The following DPH6 variants were observed in gnomAD, a reference collection of about 807,000 sequenced individuals.
DPH6 encodes diphthine--ammonia ligase.
Under a neutral mutation model 38.2 loss-of-function variants are expected in DPH6, and 33 were observed. The observed-to-expected ratio is 0.86, with a 90% CI of 0.65 to 1.15. DPH6 has a LOEUF of 1.15. Ranked by LOEUF, DPH6 falls within the 50% of genes most tolerant of loss-of-function variation. DPH6 has a pLI of 0.00. For missense variants in DPH6, 325 were observed against 320.0 expected (o/e 1.02, Z -0.12); for synonymous variants, 108 against 103.0 (o/e 1.05, Z -0.30).
chr15:35,423,679 C>G (rs143966244), intron 5 of DPH6, among the ~76,000 whole-genome samples: 80 of 151,628 alleles, frequency 5.3e-4, no homozygotes, highest in African/African-American at 1.9e-3. Flanking sequence ...TTGGGTCTTG[C>G]ATTAAAGTTT....
At chr15:35,396,249 C>A (rs944331708) in intron 6 of DPH6, 1 of 147,944 alleles carries the variant, frequency 6.8e-6, no homozygotes. Flanking sequence ...ATACTTATCA[C>A]AATGCAAGAA....
At chr15:35,331,408 A>G (rs1052180259) in intron 3 of DPH6, among the ~76,000 whole-genome samples, 1 of 151,528 alleles carries the variant, frequency 6.6e-6, no homozygotes, top group African/African-American at 2.5e-5. Flanking sequence ...CCCGAAACAG[A>G]TAAATCATGC....
At chr15:35,382,210 C>T (rs374095179) in intron 6 of DPH6, among the ~76,000 whole-genome samples, 4 of 151,630 alleles carry the variant, frequency 2.6e-5, no homozygotes, top group South Asian at 2.1e-4. Context: ...CCGAGGCGGG[C>T]GGATCACAAG....
At chr15:35,472,122 T>G (rs904523169) in intron 3 of DPH6, among the ~76,000 whole-genome samples, 2 of 152,106 alleles carry the variant, frequency 1.3e-5, no homozygotes, top group Admixed American at 1.3e-4. Flanking sequence ...AAAATAAAGT[T>G]GAACTTTATA....
chr15:35,237,712 C>A (rs1269770488), intron 3 of DPH6: 2 of 1,613,712 alleles, frequency 1.2e-6, no homozygotes, highest in Non-Finnish European at 1.7e-6. Context: ...CCAACCTGAA[C>A]GACTACCGAG....
At chr15:35,537,449 T>A (rs1429382229) in intron 3 of DPH6, among the ~76,000 whole-genome samples, 33 of 152,148 alleles carry the variant, frequency 2.2e-4, no homozygotes, top group Non-Finnish European at 3.8e-4. Flanking sequence ...GAAGAATAAC[T>A]GAACTGTATT....
At chr15:35,236,984 C>A (rs964730315) in intron 3 of DPH6, among the ~76,000 whole-genome samples, 2 of 152,110 alleles carry the variant, frequency 1.3e-5, no homozygotes, top group African/African-American at 4.8e-5. Flanking sequence ...ATAAGTGGCT[C>A]ATCTCCATTA....
chr15:35,410,834 C>G lies in DPH6; in HGVS notation c.567+1G>C. On this transcript the variant is annotated splice_donor_variant, in intron 6 of 8. Coordinates refer to ENST00000256538, the MANE Select transcript of DPH6 (RefSeq NM_080650.4). LOFTEE classifies it high-confidence loss of function. ...TTTTGAGATCTAGTATAAATTCTTA[C>G]CTCTATGAGATAAGGCTCCATTTGA... The G allele has an allele frequency of 6.3e-7, 1 of 1,595,980 alleles. No homozygotes were observed.
At chr15:35,373,111 G>C (rs927756071) in intron 8 of DPH6, among the ~76,000 whole-genome samples, 2 of 151,072 alleles carry the variant, frequency 1.3e-5, no homozygotes, top group African/African-American at 4.9e-5. Context: ...GGATATTTTT[G>C]TAAAGGTTTT....
intron 3 of DPH6, among the ~76,000 whole-genome samples, chr15:35,287,266 CAGTT>C (rs1194352738): frequency 1.3e-5 from 2 of 152,066 alleles, no homozygotes; most frequent in Non-Finnish European, 2.9e-5. Flanking sequence ...ATTAGTAAAA[CAGTT>C]TGTTTGAAAG....
chr15:35,284,618 G>T (rs2051927246), intron 3 of DPH6, among the ~76,000 whole-genome samples: 1 of 150,376 alleles, frequency 6.6e-6, no homozygotes, highest in South Asian at 2.1e-4. Context: ...TATTTTGGGG[G>T]AGTGGTGAGC....
the DPH6 span, among the ~76,000 whole-genome samples, chr15:35,198,680 T>C: frequency 6.6e-6 from 1 of 152,282 alleles, no homozygotes; most frequent in Non-Finnish European, 1.5e-5. Context: ...ACACCAAAGG[T>C]GTATCTTCAT....
chr15:35,309,502 G>A (rs1160841025), intron 3 of DPH6, among the ~76,000 whole-genome samples: 4 of 152,174 alleles, frequency 2.6e-5, no homozygotes, highest in African/African-American at 9.7e-5. Context: ...ATGAAAATTA[G>A]TTGTGTGAAA....
chr15:35,369,782 C>A (rs2052694583), downstream of DPH6, among the ~76,000 whole-genome samples: 1 of 151,760 alleles, frequency 6.6e-6, no homozygotes, highest in Non-Finnish European at 1.5e-5. Flanking sequence ...TAAAAAGACT[C>A]AATATCGTCA....
chr15:35,276,773 T>C (rs1230201955), intron 3 of DPH6, among the ~76,000 whole-genome samples: 1 of 152,226 alleles, frequency 6.6e-6, no homozygotes, highest in Non-Finnish European at 1.5e-5. Flanking sequence ...TTCTCTATTC[T>C]GTTCCATTGG....
At chr15:35,222,205 C>T (rs1185380986) in intron 3 of DPH6, among the ~76,000 whole-genome samples, 3 of 152,208 alleles carry the variant, frequency 2.0e-5, no homozygotes, top group Admixed American at 2.0e-4. Context: ...AGCAGAATTA[C>T]CCACAATGCT....
intron 3 of DPH6, among the ~76,000 whole-genome samples, chr15:35,320,834 A>G (rs1199237063): frequency 2.6e-5 from 4 of 152,114 alleles, no homozygotes; most frequent in Non-Finnish European, 5.9e-5. Context: ...TGTCATTTCA[A>G]TGGAATTTTG....
At chr15:35,426,242 C>G (rs1229525936) in intron 5 of DPH6, among the ~76,000 whole-genome samples, 2 of 151,642 alleles carry the variant, frequency 1.3e-5, no homozygotes, top group African/African-American at 4.8e-5. Context: ...AGGTACTTTG[C>G]ATAAAGGTAG....
At chr15:35,439,376 A>T (rs1174564288) in intron 5 of DPH6, among the ~76,000 whole-genome samples, 1 of 152,146 alleles carries the variant, frequency 6.6e-6, no homozygotes, top group East Asian at 1.9e-4. Flanking sequence ...TTTGGAGCAT[A>T]TTTGTTTCTC....
Sources: allele counts gnomAD v4.1 joint callset (sites outside exome capture counted in the v4.1 genomes callset), GRCh38; gene constraint gnomAD v4.1.1; transcripts MANE v1.5; gene names NCBI Gene and HGNC (gene_info 2026-07-23, HGNC 2026-07-21).